The following RNF43 variants were observed in gnomAD, a reference collection of about 807,000 sequenced individuals.
RNF43 encodes the protein ring finger protein 43.
Under a neutral mutation model 78.4 loss-of-function variants are expected in RNF43, and 37 were observed. The ratio of observed to expected loss-of-function variants is 0.47; its 90% CI spans 0.36 to 0.62. The LOEUF is 0.62. RNF43 is among the 20% of genes least tolerant of loss of function. The pLI is 0.00. For synonymous variants in RNF43, 347 were observed against 395.0 expected (o/e 0.88, Z 1.44); for missense variants, 774 against 1,007.9 (o/e 0.77, Z 3.14).
intron 2 of RNF43, among the ~76,000 whole-genome samples, chr17:58,386,212 G>A (rs1210601944): frequency 1.3e-5 from 2 of 152,196 alleles, no homozygotes; most frequent in East Asian, 3.8e-4. Flanking sequence ...AGGATCACAA[G>A]GTTAGGAGTT....
At chr17:58,385,984 T>C (rs1273853001) in intron 2 of RNF43, among the ~76,000 whole-genome samples, 5 of 152,088 alleles carry the variant, frequency 3.3e-5, no homozygotes, top group Non-Finnish European at 5.9e-5. Flanking sequence ...CTAGCACATG[T>C]CTGTAATCCC....
At position 58,360,720 on chromosome 17, in the gene RNF43, C is replaced by T. The variant is rs1446412465; in HGVS notation, c.849+63G>A. The stretch of plus-strand genomic sequence containing the variant: ...CCATACCAGCCCCTAGGCCTGCCCA[C>T]CCCTCCCCCAGCTTCAATCTCCCCA... On this transcript the variant is annotated intron_variant, in intron 7 of 9. Coordinates refer to ENST00000407977, the MANE Select transcript of RNF43 (RefSeq NM_017763.6). This position sits in a 1 kb window ranked among gnomAD's most constrained non-coding sequence, Gnocchi z 4.3. The T allele has an allele frequency of 2.0e-6, 3 of 1,520,934 alleles. No homozygotes were observed. Among genetic ancestry groups the T allele is most frequent in the South Asian group, 2.6e-5 (2 of 77,584 alleles). 94.2% of individuals were successfully genotyped at this position (1,520,934 alleles called of 1,614,324 possible). A position where few individuals can be genotyped will look rare whatever the true frequency, so the allele number is the denominator to read the frequency against.
At chr17:58,414,299 C>T (rs993098861) in intron 2 of RNF43, among the ~76,000 whole-genome samples, 1 of 152,158 alleles carries the variant, frequency 6.6e-6, no homozygotes, top group Admixed American at 6.5e-5. Context: ...AATTAAAATT[C>T]ATACAATAAA....
At chr17:58,393,558 G>A (rs1598157461) in intron 2 of RNF43, among the ~76,000 whole-genome samples, 1 of 152,132 alleles carries the variant, frequency 6.6e-6, no homozygotes, top group African/African-American at 2.4e-5. Context: ...CTAGGTTTTG[G>A]GGGTATCATA....
rs200066146 is a variant in RNF43 at position 58,357,956 on chromosome 17, G to A, written c.1820C>T (p.Ser607Leu). The change falls in exon 9 of 10, where the codon TCG (serine) becomes TTG (leucine). Residue 607 changes from serine to leucine, a missense_variant. Ser to Leu is a moderately radical substitution (Grantham distance 145). Transcript: ENST00000407977. The surrounding 1 kb of genome is among the most constrained non-coding windows in gnomAD (Gnocchi z 4.5). ...QVTRSNSAAP[S>L]GRLSNPQCPR... ...GCACTGTGGGTTAGAGAGCCGCCCC[G>A]AAGGGGCTGCTGAGTTGGATCTGGT... 1.4e-5 allele frequency: 23 copies of A among 1,611,562 alleles called. No individual in the cohort carries two copies. The highest frequency in any genetic ancestry group is 1.3e-4 in the East Asian group (6 of 44,874).
chr17:58,389,665 T>C (rs1032655031), intron 2 of RNF43, among the ~76,000 whole-genome samples: 2 of 152,220 alleles, frequency 1.3e-5, no homozygotes, highest in African/African-American at 4.8e-5. Context: ...TATTTCCCCA[T>C]AATATTAAAT....
intron 2 of RNF43, among the ~76,000 whole-genome samples, chr17:58,386,393 C>T (rs1287974080): frequency 3.9e-5 from 6 of 152,164 alleles, no homozygotes; most frequent in Admixed American, 6.5e-5. Flanking sequence ...TGCCACTGCA[C>T]TCCAGCCTGG....
chr17:58,380,634 C>T (rs1403384210), intron 2 of RNF43, among the ~76,000 whole-genome samples: 3 of 152,202 alleles, frequency 2.0e-5, no homozygotes, highest in Non-Finnish European at 4.4e-5. Context: ...CAGACAGTCC[C>T]TGTGAAAAAC....
At chr17:58,414,858 C>G (rs1450312950) in intron 2 of RNF43, among the ~76,000 whole-genome samples, 1 of 152,162 alleles carries the variant, frequency 6.6e-6, no homozygotes, top group East Asian at 1.9e-4. Context: ...TCAAGCTTGA[C>G]TGAATTTTAA....
intron 2 of RNF43, among the ~76,000 whole-genome samples, chr17:58,380,931 T>C (rs1030559794): frequency 2.0e-5 from 3 of 152,220 alleles, no homozygotes; most frequent in Non-Finnish European, 4.4e-5. Flanking sequence ...TGAGGGCAGA[T>C]ACTGTCTCCA....
chr17:58,415,362 A>C lies in RNF43; in HGVS notation c.216T>G (p.Val72=), dbSNP rs1173118040. 6.2e-7 allele frequency: 1 copy of C among 1,614,262 alleles called. No homozygotes were observed. The change falls in exon 2 of 10, where the codon GTT becomes GTG. Residue 72 remains valine, a synonymous_variant. Coordinates refer to ENST00000407977, the MANE Select transcript of RNF43 (RefSeq NM_017763.6). ...NLTLEGVFAG[V]AEITPAEGKL... Reference sequence around the variant, plus strand: ...TTCCTTCTGCTGGAGTTATTTCAGCAACACCAGCAAACACACCTTCCAAAG... The same window carrying C: ...TTCCTTCTGCTGGAGTTATTTCAGCCACACCAGCAAACACACCTTCCAAAG...
intron 2 of RNF43, among the ~76,000 whole-genome samples, chr17:58,378,405 G>A (rs887912074): frequency 6.6e-6 from 1 of 152,084 alleles, no homozygotes; most frequent in Non-Finnish European, 1.5e-5. Flanking sequence ...CTATAGGTGT[G>A]CCTCAGCAGC....
At chr17:58,393,136 G>A (rs1489423083) in intron 2 of RNF43, among the ~76,000 whole-genome samples, 2 of 152,156 alleles carry the variant, frequency 1.3e-5, no homozygotes, top group Non-Finnish European at 2.9e-5. Context: ...GGCCAGGCAC[G>A]GTGACTTATG....
intron 2 of RNF43, among the ~76,000 whole-genome samples, chr17:58,412,759 G>T (rs1974047352): frequency 6.6e-6 from 1 of 150,482 alleles, no homozygotes; most frequent in African/African-American, 2.4e-5. Flanking sequence ...AATTAATTGA[G>T]CAAAATGTAA....
chr17:58,409,673 C>T (rs750267734), intron 2 of RNF43, among the ~76,000 whole-genome samples: 26 of 152,096 alleles, frequency 1.7e-4, no homozygotes, highest in African/African-American at 3.4e-4. Flanking sequence ...ACACCTGGCC[C>T]GGGAATACCT....
intron 2 of RNF43, among the ~76,000 whole-genome samples, chr17:58,405,324 G>A (rs1003145763): frequency 7.2e-5 from 11 of 151,872 alleles, no homozygotes; most frequent in Admixed American, 2.6e-4. Flanking sequence ...TGATCCACCT[G>A]CCTCGGCCTC....
intron 6 of RNF43, among the ~76,000 whole-genome samples, chr17:58,362,035 G>A (rs575068897): frequency 3.3e-5 from 5 of 151,808 alleles, no homozygotes; most frequent in African/African-American, 9.7e-5. Context: ...GCAGTGAGCC[G>A]AGATCACGCC....
At chr17:58,405,738 G>C (rs1355933772) in intron 2 of RNF43, among the ~76,000 whole-genome samples, 1 of 151,080 alleles carries the variant, frequency 6.6e-6, no homozygotes, top group African/African-American at 2.4e-5. Flanking sequence ...AAGAAAGAAA[G>C]AAAGAAAGAA....
At chr17:58,408,505 A>G (rs563223267) in intron 2 of RNF43, among the ~76,000 whole-genome samples, 119 of 152,196 alleles carry the variant, frequency 7.8e-4, no homozygotes, top group Non-Finnish European at 1.5e-3. Context: ...TGAATAAATC[A>G]TTCTTGGAAA....
Sources: allele counts gnomAD v4.1 joint callset (sites outside exome capture counted in the v4.1 genomes callset), GRCh38; gene constraint gnomAD v4.1.1; non-coding constraint Gnocchi (gnomAD v3.1); transcripts MANE v1.5; gene names NCBI Gene and HGNC (gene_info 2026-07-23, HGNC 2026-07-21).